The following WDR17 variants were observed in gnomAD, a reference collection of about 807,000 sequenced individuals.
WDR17 encodes WD repeat domain 17.
WDR17 carries 143 observed loss-of-function variants against 161.7 expected under a neutral mutation model. The ratio of observed to expected loss-of-function variants is 0.88; its 90% CI spans 0.77 to 1.02. The LOEUF is 1.02. Ranked by LOEUF, WDR17 falls within the 50% of genes least tolerant of loss-of-function variation. WDR17 has a pLI of 0.00. For missense variants in WDR17, 1,469 were observed against 1,520.9 expected (o/e 0.97, Z 0.57); for synonymous variants, 517 against 515.6 (o/e 1.00, Z -0.04).
At chr4:176,121,128 G>A (rs1277947128) in intron 4 of WDR17, among the ~76,000 whole-genome samples, 1 of 152,062 alleles carries the variant, frequency 6.6e-6, no homozygotes, top group African/African-American at 2.4e-5. Context: ...GGTTTACGTG[G>A]GGACAGTTTC....
chr4:176,102,353 G>T (rs1561100458), intron 1 of WDR17, among the ~76,000 whole-genome samples: 1 of 152,188 alleles, frequency 6.6e-6, no homozygotes, highest in Non-Finnish European at 1.5e-5. Flanking sequence ...AACACCAGAT[G>T]CTGGCAAGGA....
chr4:176,162,297 GTAAT>G (rs1579232785), intron 21 of WDR17, 123 bp downstream of exon 21: 3 of 698,848 alleles, frequency 4.3e-6, no homozygotes, highest in Non-Finnish European at 7.0e-6. Context: ...CGAAGCCTGA[GTAAT>G]TAAGTAATTA....
chr4:176,152,294 CAAAAA>C (rs397837505), intron 17 of WDR17, among the ~76,000 whole-genome samples: 14 of 72,126 alleles, frequency 1.9e-4, no homozygotes, highest in Admixed American at 9.0e-4. Context: ...GACCCTATCT[CAAAAA>C]AAAAAAAAAA....
In WDR17 at chr4:176,177,137, T is replaced by G. The variant is rs1415816526; in HGVS notation, c.3529T>G (p.Cys1177Gly). The change falls in exon 27 of 29, where the codon TGC becomes GGC. Residue 1177 changes from cysteine to glycine, a missense_variant. Coordinates refer to ENST00000508596, the MANE Select transcript of WDR17 (RefSeq NM_181265.4). The part of the protein sequence containing the change: ...LSEELDAWRA[C>G]TQSTNRSLED... ...TGAGGAATTGGATGCATGGAGAGCT[T>G]GCACACAGTCCACCAACAGGTGAGC... The G allele has an allele frequency of 6.2e-7, 1 of 1,613,726 alleles. No individual in the cohort carries two copies. The highest frequency in any genetic ancestry group is 2.2e-5 in the East Asian group (1 of 44,826).
rs766267340 is a variant in WDR17, at chr4:176,168,635, C to A, written c.2991-37C>A. The A allele has an allele frequency of 9.3e-6, 15 of 1,609,650 alleles. No individual in the cohort carries two copies. In the South Asian group the frequency reaches 1.7e-4, roughly 18 times the overall value. ...GTTATGAATGTTATTTTTAAATCTTCTCCTCAATGAAGTGTCCCCTTTTGT... is the reference window on the plus strand; with the variant it reads ...GTTATGAATGTTATTTTTAAATCTTATCCTCAATGAAGTGTCCCCTTTTGT... On this transcript the variant is annotated intron_variant, in intron 22 of 28. Transcript: ENST00000508596.
chr4:176,080,551 T>G (rs1355698582), intron 1 of WDR17, among the ~76,000 whole-genome samples: 1 of 152,114 alleles, frequency 6.6e-6, no homozygotes, highest in East Asian at 1.9e-4. Flanking sequence ...TGGATTCAAC[T>G]GTGATCCAAC....
At chr4:176,164,371 G>A (rs553137452) in intron 22 of WDR17, among the ~76,000 whole-genome samples, 1 of 152,204 alleles carries the variant, frequency 6.6e-6, no homozygotes, top group South Asian at 2.1e-4. Context: ...TTCAGGTGTT[G>A]ACCTGACAAT....
chr4:176,131,355 GTACTTTAAAA>G (rs1352310450), intron 6 of WDR17, among the ~76,000 whole-genome samples, 189 bp from the exon 7 acceptor site: 4 of 151,950 alleles, frequency 2.6e-5, no homozygotes, highest in African/African-American at 9.7e-5. Context: ...TGCTCCATCT[GTACTTTAAAA>G]TAATATCCAA....
chr4:176,093,224 A>T (rs1056148736), intron 1 of WDR17, among the ~76,000 whole-genome samples: 1 of 152,194 alleles, frequency 6.6e-6, no homozygotes, highest in African/African-American at 2.4e-5. Flanking sequence ...ATGTTCAAGG[A>T]TTGAAAGAAT....
At chr4:176,152,677 G>C (rs1364660272) in intron 17 of WDR17, among the ~76,000 whole-genome samples, 2 of 147,688 alleles carry the variant, frequency 1.4e-5, no homozygotes, top group African/African-American at 2.5e-5. Context: ...ACCTGTACCT[G>C]TAACCCTACC....
chr4:176,107,829 C>T (rs1739004253), intron 1 of WDR17, among the ~76,000 whole-genome samples: 1 of 150,224 alleles, frequency 6.7e-6, no homozygotes, highest in African/African-American at 2.5e-5. Flanking sequence ...CCCTTCCTTC[C>T]TTCCTTTCCT....
chr4:176,141,964 ATAT>A lies in WDR17; in HGVS notation c.1443-15_1443-13del. The A allele has an allele frequency of 6.5e-7, 1 of 1,528,050 alleles. No individual in the cohort carries two copies. The highest frequency in any genetic ancestry group is 8.9e-7 in the Non-Finnish European group (1 of 1,117,388). 94.7% of individuals were successfully genotyped at this position (1,528,050 alleles called of 1,614,324 possible). A position where few individuals can be genotyped will look rare whatever the true frequency, so the allele number is the denominator to read the frequency against. On this transcript the variant is annotated splice_polypyrimidine_tract_variant and intron_variant, in intron 10 of 28. Transcript: ENST00000508596. Reference sequence around the variant, plus strand: ...TTTAGAGTATTGTTTTTCTATTAACATATTATAATTAATTCTAGTATTATTCGA... The same window carrying A: ...TTTAGAGTATTGTTTTTCTATTAACATATAATTAATTCTAGTATTATTCGA...
intron 1 of WDR17, chr4:176,096,491 A>T (rs750735807): frequency 6.3e-7 from 1 of 1,584,610 alleles, no homozygotes; most frequent in Non-Finnish European, 8.6e-7. Context: ...CCGAGTTTCC[A>T]ATTGCCTTGA....
chr4:176,070,048 G>A (rs540350428), intron 1 of WDR17, among the ~76,000 whole-genome samples: 3 of 152,164 alleles, frequency 2.0e-5, no homozygotes, highest in African/African-American at 4.8e-5. Flanking sequence ...CTCTAACACC[G>A]TTATTCTGTT....
At chr4:176,105,569 T>C (rs867008421) in intron 1 of WDR17, among the ~76,000 whole-genome samples, 2 of 152,062 alleles carry the variant, frequency 1.3e-5, no homozygotes, top group Non-Finnish European at 2.9e-5. Context: ...GAAAGAAAAC[T>C]GAAAAATTCG....
At chr4:176,103,757 C>T (rs190934045) in intron 1 of WDR17, among the ~76,000 whole-genome samples, 44 of 151,628 alleles carry the variant, frequency 2.9e-4, no homozygotes, top group East Asian at 1.2e-3. Flanking sequence ...TAAGCAAAAC[C>T]GAAGGGACAT....
Position 176,168,788 on chromosome 4 carries a change from G to C in WDR17, c.3102+5G>C. The C allele has an allele frequency of 6.2e-7, 1 of 1,607,370 alleles. No individual in the cohort carries two copies. The highest frequency in any genetic ancestry group is 8.5e-7 in the Non-Finnish European group (1 of 1,177,594). On this transcript the variant is annotated splice_donor_5th_base_variant and intron_variant, in intron 23 of 28. Transcript: ENST00000508596. ...ATAAATGACCTTCATGATAAGGTAT[G>C]CTGATGATGTTAAATATTCTGGTTT... is the stretch of plus-strand genomic sequence containing the variant.
rs1377690104 is a variant in WDR17, at chr4:176,150,505, C to T, written c.2216C>T (p.Ala739Val). 6.2e-7 allele frequency: 1 copy of T among 1,611,590 alleles called. No individual in the cohort carries two copies. Among genetic ancestry groups the T allele is most frequent in the Non-Finnish European group, 8.5e-7 (1 of 1,179,170 alleles). Residue 739 changes from alanine to valine, a missense_variant, in exon 16 of 29, where the codon GCT (alanine) becomes GTT (valine). Physicochemically the swap from Ala to Val is moderately conservative, Grantham distance 64. Transcript: ENST00000508596. The stretch of plus-strand genomic sequence containing the variant: ...AGTGACAATTTATGGAACTTGGTTG[C>T]TGTGATAAAAGGACAGGATGATAGC... ...GGSDNLWNLV[A>V]VIKGQDDSLL...
chr4:176,147,914 T>G (rs1746445476), intron 12 of WDR17, among the ~76,000 whole-genome samples: 1 of 152,152 alleles, frequency 6.6e-6, no homozygotes, highest in African/African-American at 2.4e-5. Context: ...GTTAATTAGC[T>G]TGATTTAATT....
Sources: gnomAD v4.1 joint callset for allele counts (sites outside exome capture counted in the v4.1 genomes callset) on GRCh38, gnomAD v4.1.1 for gene constraint, MANE v1.5 for transcripts, NCBI Gene and HGNC (gene_info 2026-07-23, HGNC 2026-07-21) for gene names.